Variants in CCDC126 observed in about 807,000 individuals in gnomAD.
CCDC126 encodes the protein coiled-coil domain containing 126.
CCDC126 carries 5 observed loss-of-function variants against 11.7 expected under a neutral mutation model. The ratio of observed to expected loss-of-function variants is 0.43; its 90% CI spans 0.22 to 0.90. The LOEUF is 0.90. Among genes scored for constraint, CCDC126 ranks in the 40% least tolerant of loss-of-function variants. CCDC126 has a pLI of 0.27. For synonymous variants in CCDC126, 60 were observed against 61.9 expected (o/e 0.97, Z 0.14); for missense variants, 150 against 163.1 (o/e 0.92, Z 0.44).
chr7:23,628,671 C>G (rs1433584503), intron 3 of CCDC126, among the ~76,000 whole-genome samples: 1 of 152,020 alleles, frequency 6.6e-6, no homozygotes, highest in African/African-American at 2.4e-5. Flanking sequence ...GAGAACTGCC[C>G]CCACTGTACT....
chr7:23,632,116 T>TG (rs1213621376), intron 3 of CCDC126, among the ~76,000 whole-genome samples: 4 of 147,430 alleles, frequency 2.7e-5, no homozygotes, highest in African/African-American at 1.0e-4. Context: ...TTTTTTGAGA[T>TG]GGAGTTTCAC....
intron 3 of CCDC126, among the ~76,000 whole-genome samples, chr7:23,618,538 A>ATGTTTTTTTTT (rs1562493420): frequency 8.4e-6 from 1 of 119,620 alleles, no homozygotes; most frequent in Non-Finnish European, 1.7e-5. Flanking sequence ...GATCAGCTAA[A>ATGTTTTTTTTT]TTTTTTTTTT....
chr7:23,626,193 T>G (rs1325968024), intron 3 of CCDC126, among the ~76,000 whole-genome samples: 1 of 152,146 alleles, frequency 6.6e-6, no homozygotes, highest in Non-Finnish European at 1.5e-5. Context: ...AGTTGGGACT[T>G]CTGGTGTAAG....
chr7:23,631,237 A>G (rs1246652326), intron 3 of CCDC126, among the ~76,000 whole-genome samples: 1 of 152,202 alleles, frequency 6.6e-6, no homozygotes, highest in Non-Finnish European at 1.5e-5. Context: ...TAGGGTCAAA[A>G]AAAAGGGACA....
At chr7:23,622,052 T>G (rs1317138579) in intron 3 of CCDC126, among the ~76,000 whole-genome samples, 1 of 152,176 alleles carries the variant, frequency 6.6e-6, no homozygotes, top group African/African-American at 2.4e-5. Flanking sequence ...CTTTTTTTGT[T>G]GTGTCTCTGC....
intron 2 of CCDC126, among the ~76,000 whole-genome samples, chr7:23,609,472 A>G (rs1042940350): frequency 6.6e-6 from 1 of 152,124 alleles, no homozygotes; most frequent in African/African-American, 2.4e-5. Context: ...TGCCTGGACA[A>G]TTTCTAATTT....
At chr7:23,635,381 A>G (rs1056895095) in intron 3 of CCDC126, among the ~76,000 whole-genome samples, 2 of 152,264 alleles carry the variant, frequency 1.3e-5, no homozygotes, top group Admixed American at 6.5e-5. Flanking sequence ...TAGCACCTTC[A>G]GTGACAGAGC....
intron 3 of CCDC126, among the ~76,000 whole-genome samples, chr7:23,642,578 C>T (rs1354215342): frequency 6.6e-6 from 1 of 151,914 alleles, no homozygotes; most frequent in Non-Finnish European, 1.5e-5. Context: ...GCCCGGCCAA[C>T]GTGGTAAAAT....
intron 2 of CCDC126, among the ~76,000 whole-genome samples, chr7:23,606,731 G>T (rs1475359329): frequency 1.3e-5 from 2 of 152,042 alleles, no homozygotes; most frequent in South Asian, 2.1e-4. Context: ...AATATTCAAG[G>T]TTTATCTTAG....
rs1783394607 is a variant in CCDC126 at position 23,643,102 on chromosome 7, G to T, written c.410G>T (p.Gly137Val). ...VTTNKRTNVS[G>V]SIR ...ACAAATAAAAGAACGAATGTCTCGG[G>T]CAGTATCAGATAGCAGTTGAAAATC... Residue 137 changes from glycine to valine, a missense_variant, in exon 4 of 4, where the codon GGC (glycine) becomes GTC (valine). Physicochemically the swap from Gly to Val is moderately radical, Grantham distance 109 (BLOSUM62 -3). Transcript: ENST00000307471. 2 of 1,613,780 alleles carry T rather than the reference G, an allele frequency of 1.2e-6. No homozygotes were observed. Among genetic ancestry groups the T allele is most frequent in the South Asian group, 1.1e-5 (1 of 91,020 alleles).
chr7:23,629,436 C>T (rs1162909595), intron 3 of CCDC126, among the ~76,000 whole-genome samples: 1 of 152,164 alleles, frequency 6.6e-6, no homozygotes, highest in Non-Finnish European at 1.5e-5. Flanking sequence ...AAATCAATTT[C>T]TATTAATTAC....
intron 2 of CCDC126, among the ~76,000 whole-genome samples, chr7:23,609,204 A>G (rs1337848221): frequency 3.3e-5 from 5 of 149,746 alleles, no homozygotes; most frequent in African/African-American, 7.4e-5. Context: ...TTTTTTTGGG[A>G]TGGAGTTTCA....
intron 3 of CCDC126, among the ~76,000 whole-genome samples, chr7:23,638,187 G>A (rs1380373418): frequency 6.6e-6 from 1 of 151,872 alleles, no homozygotes; most frequent in East Asian, 2.0e-4. Flanking sequence ...GAGCCCCTCT[G>A]CCCGGCCACG....
At chr7:23,623,880 T>A (rs990683395) in intron 3 of CCDC126, among the ~76,000 whole-genome samples, 1 of 152,150 alleles carries the variant, frequency 6.6e-6, no homozygotes, top group Non-Finnish European at 1.5e-5. Context: ...TAGTAAAAAA[T>A]TTTTGTTGTA....
intron 3 of CCDC126, among the ~76,000 whole-genome samples, chr7:23,640,993 T>A (rs989820423): frequency 0.016 from 2,239 of 138,070 alleles, 113 homozygotes; most frequent in African/African-American, 0.056. Context: ...ATCCTTTTGG[T>A]TTTTTTTTTT....
chr7:23,638,297 T>G (rs1442575832), intron 3 of CCDC126, among the ~76,000 whole-genome samples: 1 of 148,508 alleles, frequency 6.7e-6, no homozygotes, highest in South Asian at 2.2e-4. Context: ...GGGAAAAAAT[T>G]GAGAAATCGG....
At chr7:23,621,525 A>G (rs1782896954) in intron 3 of CCDC126, among the ~76,000 whole-genome samples, 2 of 152,184 alleles carry the variant, frequency 1.3e-5, no homozygotes, top group South Asian at 4.1e-4. Context: ...TCATCTGCAA[A>G]CAGGGACAAT....
At chr7:23,618,791 G>A (rs1382561215) in intron 3 of CCDC126, among the ~76,000 whole-genome samples, 1 of 152,004 alleles carries the variant, frequency 6.6e-6, no homozygotes, top group Non-Finnish European at 1.5e-5. Flanking sequence ...CTGACCTCAT[G>A]TGATCCACCT....
intron 2 of CCDC126, among the ~76,000 whole-genome samples, chr7:23,605,677 G>T: frequency 6.6e-6 from 1 of 152,092 alleles, no homozygotes. Context: ...ATATTCCATT[G>T]TATGTAGATA....
Sources: gnomAD v4.1 joint callset for allele counts (sites outside exome capture counted in the v4.1 genomes callset) on GRCh38, gnomAD v4.1.1 for gene constraint, MANE v1.5 for transcripts, NCBI Gene and HGNC (gene_info 2026-07-23, HGNC 2026-07-21) for gene names.